CHRM3: variants seen among roughly 807,000 people sequenced by gnomAD.
CHRM3 encodes cholinergic receptor muscarinic 3, also known as muscarinic acetylcholine receptor M3.
CHRM3 carries 11 observed loss-of-function variants against 41.8 expected under a neutral mutation model. The ratio of observed to expected loss-of-function variants is 0.26; its 90% confidence interval spans 0.17 to 0.44. The LOEUF is 0.44. Ranked by LOEUF, CHRM3 falls within the 20% of genes least tolerant of loss-of-function variation. The probability of loss-of-function intolerance (pLI) is 1.00; values close to 1 mark genes in which losing one functional copy is unlikely to be tolerated. For synonymous variants in CHRM3, 297 were observed against 301.4 expected (o/e 0.99, Z 0.15); for missense variants, 571 against 745.4 (o/e 0.77, Z 2.72).
chr1:239,696,343 A>G (rs1660188058), intron 5 of CHRM3, among the ~76,000 whole-genome samples: 1 of 152,192 alleles, frequency 6.6e-6, no homozygotes, highest in African/African-American at 2.4e-5. Context: ...TAAACTGTAA[A>G]GTACTATAAA....
At chr1:239,858,535 A>AG (rs1553286264) in intron 6 of CHRM3, among the ~76,000 whole-genome samples, 125 of 151,712 alleles carry the variant, frequency 8.2e-4, no homozygotes, top group East Asian at 2.1e-3. Flanking sequence ...AAAAAAAAAA[A>AG]AGAGAATAAT....
intron 3 of CHRM3, among the ~76,000 whole-genome samples, chr1:239,592,134 C>A (rs990566894): frequency 6.6e-6 from 1 of 152,130 alleles, no homozygotes; most frequent in Non-Finnish European, 1.5e-5. Flanking sequence ...GCCTTCTCAC[C>A]ATGTCTTCAT....
intron 4 of CHRM3, among the ~76,000 whole-genome samples, chr1:239,632,852 A>G (rs1573030493): frequency 6.6e-6 from 1 of 152,372 alleles, no homozygotes; most frequent in East Asian, 1.9e-4. Flanking sequence ...CTATAAAAAC[A>G]CTACCTGAGA....
chr1:239,665,469 A>C lies in CHRM3; in HGVS notation c.-249-12717A>C, dbSNP rs550694616. On this transcript the variant is annotated intron_variant, in intron 4 of 6. Transcript: ENST00000676153. ...AGCTATTTTTTTCCTGATTTTTCTA[A>C]CTGAAAACATAGAATTTGAGGCAAT... Among the ~76,000 whole-genome samples, 3 of 152,110 alleles carry C rather than the reference A, an allele frequency of 2.0e-5. No individual in the cohort carries two copies. The South Asian group carries it at 6.2e-4, about 32-fold the overall frequency.
intron 6 of CHRM3, among the ~76,000 whole-genome samples, chr1:239,852,335 A>T (rs1336167430): frequency 6.6e-6 from 1 of 152,192 alleles, no homozygotes; most frequent in East Asian, 1.9e-4. Flanking sequence ...TGGTCTAGTC[A>T]TTGTAACTTT....
chr1:239,736,214 T>C (rs1664381026), intron 5 of CHRM3, among the ~76,000 whole-genome samples: 1 of 152,068 alleles, frequency 6.6e-6, no homozygotes, highest in African/African-American at 2.4e-5. Flanking sequence ...AGATATGTCA[T>C]TTAAGGATCT....
chr1:239,404,255 C>G (rs1660253152), intron 1 of CHRM3, among the ~76,000 whole-genome samples: 2 of 147,302 alleles, frequency 1.4e-5, no homozygotes, highest in South Asian at 4.4e-4. Flanking sequence ...CACCACTGCA[C>G]TCCAGCCTGG....
intron 5 of CHRM3, among the ~76,000 whole-genome samples, chr1:239,678,694 A>G (rs1401064909): frequency 6.6e-6 from 1 of 152,134 alleles, no homozygotes; most frequent in Non-Finnish European, 1.5e-5. Flanking sequence ...CCCCTCCCCA[A>G]ATTAGTCCAG....
intron 3 of CHRM3, among the ~76,000 whole-genome samples, chr1:239,597,752 T>C (rs1472823150): frequency 6.6e-6 from 1 of 151,734 alleles, no homozygotes; most frequent in Non-Finnish European, 1.5e-5. Context: ...AAAAAGTTTT[T>C]ATTTTCCAGC....
At position 239,784,534 on chromosome 1, in the gene CHRM3, A is replaced by T. The variant is rs371358432; in HGVS notation, c.-146-42718A>T. On this transcript the variant is annotated intron_variant, in intron 5 of 6. Coordinates refer to ENST00000676153, the MANE Select transcript of CHRM3 (RefSeq NM_001375978.1). ...GTACCTTAGAATAGCAAAGTATTCC[A>T]AATTCCTCCCTCCTGTCCCCTATAT... is the stretch of plus-strand genomic sequence containing the variant. 5.9e-5 allele frequency among the ~76,000 whole-genome samples: 9 copies of T among 152,314 alleles called. No individual in the cohort carries two copies. The South Asian group carries it at 1.2e-3, about 21-fold the overall frequency.
chr1:239,717,619 G>A (rs962595884), intron 5 of CHRM3, among the ~76,000 whole-genome samples: 1 of 152,022 alleles, frequency 6.6e-6, no homozygotes, highest in African/African-American at 2.4e-5. Context: ...AGTGTGGCAG[G>A]AATTTGGGAT....
chr1:239,500,797 T>G (rs1668192061), intron 2 of CHRM3, among the ~76,000 whole-genome samples: 1 of 152,016 alleles, frequency 6.6e-6, no homozygotes, highest in African/African-American at 2.4e-5. Flanking sequence ...TAACCTTGAA[T>G]GTAAGTGGCC....
intron 5 of CHRM3, among the ~76,000 whole-genome samples, chr1:239,766,555 A>T (rs1413754792): frequency 6.6e-6 from 1 of 152,128 alleles, no homozygotes; most frequent in Non-Finnish European, 1.5e-5. Context: ...AATAAATTAG[A>T]TGTTATCTGG....
At chr1:239,725,851 C>A (rs1340740816) in intron 5 of CHRM3, among the ~76,000 whole-genome samples, 1 of 151,808 alleles carries the variant, frequency 6.6e-6, no homozygotes, top group African/African-American at 2.4e-5. Context: ...TTCAAGTGAG[C>A]AAATGTATAA....
At chr1:239,882,744 T>C (rs937767824) in intron 6 of CHRM3, among the ~76,000 whole-genome samples, 2 of 152,238 alleles carry the variant, frequency 1.3e-5, no homozygotes, top group African/African-American at 2.4e-5. Context: ...TAGAATATCA[T>C]ATGTGTGTGC....
intron 5 of CHRM3, chr1:239,703,165 C>T (rs1268353322): frequency 5.3e-5 from 8 of 152,138 alleles, no homozygotes. Flanking sequence ...GCTCAATTAT[C>T]TTACAAGTTC....
At chr1:239,447,753 G>A (rs1664255452) in intron 1 of CHRM3, among the ~76,000 whole-genome samples, 1 of 152,010 alleles carries the variant, frequency 6.6e-6, no homozygotes, top group Non-Finnish European at 1.5e-5. Context: ...TCCAGCCTGG[G>A]CGAAAAGAGC....
chr1:239,638,714 G>A (rs1451915964), intron 4 of CHRM3, among the ~76,000 whole-genome samples: 1 of 152,106 alleles, frequency 6.6e-6, no homozygotes, highest in African/African-American at 2.4e-5. Flanking sequence ...TTTGTAGGTT[G>A]CTGGTTCACT....
intron 3 of CHRM3, among the ~76,000 whole-genome samples, chr1:239,554,716 C>T (rs1294105475): frequency 6.8e-6 from 1 of 146,350 alleles, no homozygotes; most frequent in Non-Finnish European, 1.5e-5. Flanking sequence ...TAAATTGGTT[C>T]ATGTATTTCT....
Sources: gnomAD v4.1 joint callset for allele counts (sites outside exome capture counted in the v4.1 genomes callset) on GRCh38, gnomAD v4.1.1 for gene constraint, MANE v1.5 for transcripts, NCBI Gene and HGNC (gene_info 2026-07-23, HGNC 2026-07-21) for gene names.